Variants in ATOSA observed in about 807,000 individuals in gnomAD.
ATOSA encodes the protein atos homolog A, also known as atos homolog protein A.
At chr15:52,706,102 G>A in the ATOSA span, among the ~76,000 whole-genome samples, 2 of 152,176 alleles carry the variant, frequency 1.3e-5, no homozygotes, top group Non-Finnish European at 2.9e-5. Flanking sequence ...AGGGGAGATA[G>A]GTCAGGGAAT....
chr15:52,616,972 T>A, the ATOSA span, among the ~76,000 whole-genome samples: 1 of 152,128 alleles, frequency 6.6e-6, no homozygotes, highest in Non-Finnish European at 1.5e-5. Flanking sequence ...TTGTTTGTAA[T>A]CAAAAGCACC....
chr15:52,629,473 G>A, the ATOSA span, among the ~76,000 whole-genome samples: 3 of 150,546 alleles, frequency 2.0e-5, no homozygotes, highest in African/African-American at 7.4e-5. Flanking sequence ...ATCCTTTCAT[G>A]CCCTAAAAAT....
At chr15:52,703,150 A>G in the ATOSA span, among the ~76,000 whole-genome samples, 6 of 152,202 alleles carry the variant, frequency 3.9e-5, no homozygotes, top group African/African-American at 1.4e-4. Flanking sequence ...AAACCAGATA[A>G]AAGAGTACAC....
the ATOSA span, among the ~76,000 whole-genome samples, chr15:52,705,973 T>G: frequency 7.9e-5 from 12 of 152,218 alleles, no homozygotes; most frequent in African/African-American, 2.2e-4. Context: ...TTTATTTACC[T>G]ACTCTCTGAT....
At chr15:52,667,800 TG>T in the ATOSA span, among the ~76,000 whole-genome samples, 1 of 152,208 alleles carries the variant, frequency 6.6e-6, no homozygotes, top group Admixed American at 6.5e-5. Flanking sequence ...AACAGGTATA[TG>T]AAAACATGTT....
At chr15:52,694,168 A>T in the ATOSA span, among the ~76,000 whole-genome samples, 25 of 144,308 alleles carry the variant, frequency 1.7e-4, no homozygotes, top group South Asian at 1.3e-3. Context: ...ATATATATAT[A>T]TTTTTTTTTT....
chr15:52,617,772 A>AATTT, the ATOSA span, among the ~76,000 whole-genome samples: 1 of 123,072 alleles, frequency 8.1e-6, no homozygotes, highest in African/African-American at 2.5e-5. Context: ...ATTTATTAAT[A>AATTT]ATTTATTATA....
chr15:52,582,443 T>A, the ATOSA span: 1 of 707,248 alleles, frequency 1.4e-6, no homozygotes, highest in Non-Finnish European at 2.2e-6. Context: ...ACATGATATT[T>A]AAGATCTTTC....
the ATOSA span, among the ~76,000 whole-genome samples, chr15:52,623,594 T>C: frequency 2.6e-5 from 4 of 151,922 alleles, no homozygotes; most frequent in Non-Finnish European, 5.9e-5. Context: ...CTTGAGAGAA[T>C]AGGAAGTTTC....
chr15:52,668,557 A>G, the ATOSA span, among the ~76,000 whole-genome samples: 7,500 of 152,254 alleles, frequency 0.049, 343 homozygotes, highest in East Asian at 0.25. Flanking sequence ...AGGCTTTTGA[A>G]TGTTCCCACC....
At chr15:52,704,042 G>T in the ATOSA span, among the ~76,000 whole-genome samples, 3 of 152,096 alleles carry the variant, frequency 2.0e-5, no homozygotes, top group Middle Eastern at 6.8e-3. Flanking sequence ...AAGGAAGAAA[G>T]AAAACATACA....
At chr15:52,687,196 G>A in the ATOSA span, among the ~76,000 whole-genome samples, 153 of 152,298 alleles carry the variant, frequency 1.0e-3, no homozygotes, top group African/African-American at 3.7e-3. Context: ...ACGAGGTCAG[G>A]AGATCGAGAC....
At chr15:52,628,810 C>G in the ATOSA span, among the ~76,000 whole-genome samples, 1 of 151,472 alleles carries the variant, frequency 6.6e-6, no homozygotes, top group Non-Finnish European at 1.5e-5. Context: ...AACAAAAACT[C>G]TATTTTAATA....
chr15:52,686,789 A>G, the ATOSA span, among the ~76,000 whole-genome samples: 3 of 152,060 alleles, frequency 2.0e-5, no homozygotes, highest in African/African-American at 7.2e-5. Flanking sequence ...CGGTCCTCCT[A>G]CCTCAGCCTC....
At chr15:52,662,576 C>T in the ATOSA span, among the ~76,000 whole-genome samples, 24 of 152,116 alleles carry the variant, frequency 1.6e-4, no homozygotes, top group Non-Finnish European at 2.6e-4. Context: ...CGAGACCATC[C>T]TGGCTAACAC....
the ATOSA span, among the ~76,000 whole-genome samples, chr15:52,674,286 A>C: frequency 6.6e-6 from 1 of 151,710 alleles, no homozygotes; most frequent in Non-Finnish European, 1.5e-5. Flanking sequence ...CTAAGCTCTA[A>C]GCAATCAACC....
the ATOSA span, among the ~76,000 whole-genome samples, chr15:52,690,748 C>T: frequency 2.0e-5 from 3 of 152,078 alleles, no homozygotes; most frequent in Admixed American, 6.5e-5. Context: ...TGAAGTGAAT[C>T]CTGGAAATAA....
the ATOSA span, among the ~76,000 whole-genome samples, chr15:52,613,036 A>G: frequency 0.56 from 85,688 of 152,074 alleles, 28,406 homozygotes; most frequent in Non-Finnish European, 0.74. Context: ...TACCAAATGA[A>G]TAACAACACA....
At chr15:52,683,769 C>T in the ATOSA span, among the ~76,000 whole-genome samples, 2 of 152,192 alleles carry the variant, frequency 1.3e-5, no homozygotes, top group African/African-American at 4.8e-5. Flanking sequence ...GACTTGAGAG[C>T]ATACGTTCTT....
Sources: allele counts gnomAD v4.1 joint callset (sites outside exome capture counted in the v4.1 genomes callset), GRCh38; gene constraint gnomAD v4.1.1; transcripts MANE v1.5; gene names NCBI Gene and HGNC (gene_info 2026-07-23, HGNC 2026-07-21).